The following RBP7 variants were observed in gnomAD, a reference collection of about 807,000 sequenced individuals.
The protein encoded by RBP7 is retinol binding protein 7, also known as retinoid-binding protein 7.
RBP7 carries 13 observed loss-of-function variants against 16.7 expected under a neutral mutation model. That is an observed-to-expected ratio of 0.78 (90% confidence interval 0.51 to 1.24). RBP7 has a LOEUF of 1.24. Among genes scored for constraint, RBP7 ranks in the 50% most tolerant of loss-of-function variants. RBP7 has a pLI of 0.00. For synonymous variants in RBP7, 54 were observed against 56.2 expected (o/e 0.96, Z 0.17); for missense variants, 145 against 159.5 (o/e 0.91, Z 0.49).
intron 3 of RBP7, among the ~76,000 whole-genome samples, chr1:10,014,575 C>T (rs780208257): frequency 9.9e-5 from 15 of 151,902 alleles, no homozygotes; most frequent in Non-Finnish European, 2.2e-4. Flanking sequence ...TTAGTACAGA[C>T]AGGGTTTTGC....
At position 9,997,424 on chromosome 1, in the gene RBP7, CT is replaced by C; in HGVS notation, c.73+94del. 1.7e-6 allele frequency: 2 copies of C among 1,206,972 alleles called. No homozygotes were observed. Among genetic ancestry groups the C allele is most frequent in the Non-Finnish European group, 2.4e-6 (2 of 832,844 alleles). 74.8% of individuals were successfully genotyped at this position (1,206,972 alleles called of 1,614,324 possible). ...CGGGCCGGGCCTGTAGGTACGTCCT[CT>C]GTCCGTGCCTCCGCCCTGCTGCGCC... On this transcript the variant is annotated intron_variant, in intron 1 of 3. Coordinates refer to ENST00000294435, the MANE Select transcript of RBP7 (RefSeq NM_052960.3). The surrounding 1 kb of genome is among the most constrained non-coding windows in gnomAD (Gnocchi z 5.9).
chr1:10,012,626 T>TAA (rs144903026), intron 3 of RBP7, among the ~76,000 whole-genome samples: 253 of 137,802 alleles, frequency 1.8e-3, no homozygotes, highest in African/African-American at 2.6e-3. Context: ...AGCCTGTCTT[T>TAA]AAAAAAAAAA....
intron 3 of RBP7, among the ~76,000 whole-genome samples, chr1:10,009,521 A>T (rs994233945): frequency 4.0e-4 from 57 of 141,224 alleles, no homozygotes; most frequent in Admixed American, 2.1e-3. Flanking sequence ...TTAATGTCTT[A>T]TTTTTTTTTT....
intron 3 of RBP7, among the ~76,000 whole-genome samples, chr1:10,015,098 A>T (rs938103187): frequency 3.9e-5 from 6 of 152,120 alleles, no homozygotes; most frequent in African/African-American, 1.4e-4. Flanking sequence ...CTATAATCCT[A>T]GCACTTTCGG....
intron 1 of RBP7, among the ~76,000 whole-genome samples, chr1:9,998,677 G>A (rs1642216234): frequency 6.6e-6 from 1 of 151,942 alleles, no homozygotes. Flanking sequence ...CAAAGTGCTG[G>A]GATTACAGGC....
rs1436382081 is a variant in RBP7 at position 10,003,451 on chromosome 1, CAAAAACA to C, written c.74-4113_74-4107del. On this transcript the variant is annotated intron_variant, in intron 1 of 3. Transcript: ENST00000294435. Reference sequence around the variant, plus strand: ...CTGAATAAACAAACAAACAAACAAACAAAAACAAAAAAACCACCCCTTACTCTGCATG... The same window carrying C: ...CTGAATAAACAAACAAACAAACAAACAAAAAACCACCCCTTACTCTGCATG... Among the ~76,000 whole-genome samples, 3 of 151,954 alleles carry C rather than the reference CAAAAACA, an allele frequency of 2.0e-5. No individual in the cohort carries two copies. The East Asian group carries it at 5.8e-4, about 29-fold the overall frequency.
intron 3 of RBP7, 47 bp from the exon 4 acceptor site, chr1:10,015,735 C>G: frequency 6.6e-7 from 1 of 1,517,732 alleles, no homozygotes; most frequent in South Asian, 1.1e-5. Flanking sequence ...TAAAAACAGA[C>G]CACATGCAAA....
At chr1:10,000,262 T>A (rs1642240180) in intron 1 of RBP7, among the ~76,000 whole-genome samples, 1 of 150,912 alleles carries the variant, frequency 6.6e-6, no homozygotes, top group Non-Finnish European at 1.5e-5. Flanking sequence ...ACTGGGCAGG[T>A]GGCTCACGCC....
At position 9,997,361 on chromosome 1, in the gene RBP7, G is replaced by C; in HGVS notation, c.73+30G>C. Reference sequence around the variant, plus strand: ...GGCGGAGGGGAGGCGGCGGCGGCGCGAGGCTCGCCGTGGGTCTCGGGATCA... The same window carrying C: ...GGCGGAGGGGAGGCGGCGGCGGCGCCAGGCTCGCCGTGGGTCTCGGGATCA... On this transcript the variant is annotated intron_variant, in intron 1 of 3. Transcript: ENST00000294435. The surrounding 1 kb of genome is among the most constrained non-coding windows in gnomAD (Gnocchi z 5.9). 1 of 1,603,438 alleles carries C rather than the reference G, an allele frequency of 6.2e-7. No individual in the cohort carries two copies. The highest frequency in any genetic ancestry group is 8.5e-7 in the Non-Finnish European group (1 of 1,174,174).
Position 10,007,619 on chromosome 1 carries a change from A to G in RBP7, c.123A>G (p.Lys41=), listed in dbSNP as rs755529698. Residue 41 remains lysine (K), a synonymous_variant, in exon 2 of 4, where the codon AAA becomes AAG. Coordinates refer to ENST00000294435, the MANE Select transcript of RBP7 (RefSeq NM_052960.3). The stretch of plus-strand genomic sequence containing the variant: ...TAGCCAAGTTGCTGAAGCCACAGAA[A>G]GTGATTGAGCAGAATGGGGATTCTT... The part of the protein sequence containing the change: ...RKIAKLLKPQ[K]VIEQNGDSFT... The G allele has an allele frequency of 6.2e-6, 10 of 1,613,832 alleles. No individual in the cohort carries two copies. In the African/African-American group the frequency reaches 8.0e-5, roughly 13 times the overall value.
At chr1:10,013,045 T>C (rs1451869370) in intron 3 of RBP7, among the ~76,000 whole-genome samples, 1 of 150,978 alleles carries the variant, frequency 6.6e-6, no homozygotes, top group African/African-American at 2.4e-5. Context: ...GTTCTAAGGA[T>C]ACTCATGGAA....
intron 1 of RBP7, among the ~76,000 whole-genome samples, chr1:10,003,379 C>T (rs1278547724): frequency 6.6e-6 from 1 of 152,118 alleles, no homozygotes; most frequent in Non-Finnish European, 1.5e-5. Context: ...GAGCCAAGAT[C>T]GTGCTGCCAT....
At chr1:10,004,206 G>A (rs1340240006) in intron 1 of RBP7, 1 of 151,420 alleles carries the variant, frequency 6.6e-6, no homozygotes, top group Non-Finnish European at 1.5e-5. Flanking sequence ...CTGAGTAGCT[G>A]GGATTGCAGG....
intron 1 of RBP7, among the ~76,000 whole-genome samples, chr1:9,999,022 G>A (rs1642222092): frequency 6.6e-6 from 1 of 152,112 alleles, no homozygotes. Flanking sequence ...TGTGTTGTGG[G>A]AGGGACCTGA....
At chr1:10,010,238 C>T (rs1403584909) in intron 3 of RBP7, among the ~76,000 whole-genome samples, 3 of 152,126 alleles carry the variant, frequency 2.0e-5, no homozygotes, top group African/African-American at 7.2e-5. Flanking sequence ...GTCTCAGCCT[C>T]CCAAGTAGCT....
At chr1:10,006,894 AGTTATGACTGAGGCTGG>A (rs1642457889) in intron 1 of RBP7, 1 of 409,336 alleles carries the variant, frequency 2.4e-6, no homozygotes, top group East Asian at 7.8e-5. Context: ...AAAAAGGCAG[AGTTATGACTGAGGCTGG>A]GTTGGGGGGC....
chr1:9,999,814 C>CTTT (rs70998341), intron 1 of RBP7, among the ~76,000 whole-genome samples: 8 of 105,878 alleles, frequency 7.6e-5, no homozygotes, highest in African/African-American at 1.7e-4. Context: ...CTGTAATACT[C>CTTT]TTTTTTTTTT....
At chr1:10,012,767 C>T (rs541126320) in intron 3 of RBP7, among the ~76,000 whole-genome samples, 2,025 of 151,802 alleles carry the variant, frequency 0.013, 53 homozygotes, top group African/African-American at 0.045. Context: ...AACCCCGTCT[C>T]TATTAAAAAT....
chr1:9,998,407 CTT>C (rs772810621), intron 1 of RBP7, among the ~76,000 whole-genome samples: 2,301 of 121,456 alleles, frequency 0.019, 31 homozygotes, highest in Non-Finnish European at 0.028. Context: ...TTCTTTCTTT[CTT>C]TTTTTTTTTT....
Sources: gnomAD v4.1 joint callset for allele counts (sites outside exome capture counted in the v4.1 genomes callset) on GRCh38, gnomAD v4.1.1 for gene constraint, Gnocchi (gnomAD v3.1) non-coding constraint, MANE v1.5 for transcripts, NCBI Gene and HGNC (gene_info 2026-07-23, HGNC 2026-07-21) for gene names.